PTBP3: variants seen among roughly 807,000 people sequenced by gnomAD.
PTBP3 encodes the protein polypyrimidine tract-binding protein 3.
In PTBP3, 20 loss-of-function variants were observed where a neutral mutation model predicts 58.7. The ratio of observed to expected loss-of-function variants is 0.34; its 90% CI spans 0.24 to 0.50. The LOEUF is 0.50. Ranked by LOEUF, PTBP3 falls within the 20% of genes least tolerant of loss-of-function variation. The pLI, the probability that PTBP3 is intolerant of heterozygous loss-of-function variation, is 0.98. For missense variants in PTBP3, 509 were observed against 637.2 expected (o/e 0.80, Z 2.17); for synonymous variants, 185 against 219.8 (o/e 0.84, Z 1.40).
At chr9:112,339,598 C>T in the PTBP3 span, among the ~76,000 whole-genome samples, 3 of 148,616 alleles carry the variant, frequency 2.0e-5, no homozygotes, top group Non-Finnish European at 3.0e-5. Context: ...CAGTCTCACT[C>T]TGTCACCCAG....
At chr9:112,265,340 T>C (rs183496882) in intron 4 of PTBP3, among the ~76,000 whole-genome samples, 192 of 148,178 alleles carry the variant, frequency 1.3e-3, no homozygotes, top group Non-Finnish European at 2.5e-3. Flanking sequence ...CTGTCTCTAC[T>C]AAAAATACAA....
intron 1 of PTBP3, among the ~76,000 whole-genome samples, chr9:112,316,603 A>G (rs1829712531): frequency 6.6e-6 from 1 of 152,228 alleles, no homozygotes; most frequent in East Asian, 1.9e-4. Context: ...GCAGATAACA[A>G]ATTTTAATAC....
intron 2 of PTBP3, among the ~76,000 whole-genome samples, chr9:112,293,865 C>T (rs945234673): frequency 6.6e-6 from 1 of 152,104 alleles, no homozygotes; most frequent in Admixed American, 6.6e-5. Context: ...AAGTCTGGTC[C>T]CCAACACAAT....
At chr9:112,263,596 GA>G (rs1589838268) in intron 4 of PTBP3, among the ~76,000 whole-genome samples, 1 of 152,336 alleles carries the variant, frequency 6.6e-6, no homozygotes, top group East Asian at 1.9e-4. Context: ...TCAAGGTTAT[GA>G]AAGGCCCTAA....
chr9:112,264,236 C>A (rs1836710849), intron 4 of PTBP3, among the ~76,000 whole-genome samples: 1 of 152,066 alleles, frequency 6.6e-6, no homozygotes, highest in Admixed American at 6.6e-5. Flanking sequence ...AATTAACATA[C>A]AATAAAAATG....
At chr9:112,229,566 A>C (rs1218708703) in intron 10 of PTBP3, among the ~76,000 whole-genome samples, 1 of 39,126 alleles carries the variant, frequency 2.6e-5, no homozygotes, top group African/African-American at 3.8e-4. Context: ...CCCTGTCTCA[A>C]AAAAAAAAAA....
chr9:112,251,553 A>T (rs1350484134), intron 6 of PTBP3, among the ~76,000 whole-genome samples: 4 of 152,134 alleles, frequency 2.6e-5, no homozygotes, highest in Non-Finnish European at 5.9e-5. Flanking sequence ...TGTAAATGGT[A>T]CTTGTCAGAG....
At chr9:112,312,484 T>TTTTG (rs1278430015) in intron 1 of PTBP3, among the ~76,000 whole-genome samples, 1 of 53,526 alleles carries the variant, frequency 1.9e-5, no homozygotes, top group African/African-American at 1.1e-4. Context: ...TTGTTTTTTT[T>TTTTG]TTTGTTTTTT....
At chr9:112,308,645 GA>G (rs932967803) in intron 1 of PTBP3, among the ~76,000 whole-genome samples, 20 of 151,926 alleles carry the variant, frequency 1.3e-4, no homozygotes, top group African/African-American at 4.6e-4. Flanking sequence ...ACGACCAAAA[GA>G]ATAAAAGACT....
intron 1 of PTBP3, among the ~76,000 whole-genome samples, chr9:112,327,642 CA>C (rs565579453): frequency 1.3e-5 from 2 of 152,058 alleles, no homozygotes; most frequent in Non-Finnish European, 2.9e-5. Context: ...TGGCAAGGCT[CA>C]AAAAATTGTA....
At chr9:112,332,963 G>A in intron 1 of PTBP3, 2 of 1,429,922 alleles carry the variant, frequency 1.4e-6, no homozygotes, top group African/African-American at 1.4e-5. Flanking sequence ...CATGGCTTGC[G>A]ACCAGGTCGC....
At chr9:112,373,849 A>T in the PTBP3 span, among the ~76,000 whole-genome samples, 1 of 152,256 alleles carries the variant, frequency 6.6e-6, no homozygotes, top group East Asian at 1.9e-4. Context: ...CAAAAGAAGG[A>T]AATACTCATG....
At chr9:112,345,801 G>A in the PTBP3 span, among the ~76,000 whole-genome samples, 22 of 152,178 alleles carry the variant, frequency 1.4e-4, no homozygotes, top group East Asian at 3.9e-3. Context: ...TGTATATCAT[G>A]AAGTCAAATA....
intron 4 of PTBP3, among the ~76,000 whole-genome samples, chr9:112,266,670 A>G (rs969050245): frequency 1.3e-5 from 2 of 152,220 alleles, no homozygotes; most frequent in African/African-American, 4.8e-5. Flanking sequence ...AGGTAATGCT[A>G]TATTTGTTGT....
intron 1 of PTBP3, among the ~76,000 whole-genome samples, chr9:112,327,975 A>G (rs1830224828): frequency 6.6e-6 from 1 of 152,200 alleles, no homozygotes; most frequent in Admixed American, 6.5e-5. Flanking sequence ...CCCTGCCCTC[A>G]TGACACATTT....
At chr9:112,317,810 G>A (rs1406054636) in intron 1 of PTBP3, among the ~76,000 whole-genome samples, 1 of 152,010 alleles carries the variant, frequency 6.6e-6, no homozygotes, top group Admixed American at 6.5e-5. Flanking sequence ...AGCCGGGCAT[G>A]GTGGTGTGCG....
At chr9:112,356,599 A>G in the PTBP3 span, among the ~76,000 whole-genome samples, 1 of 148,616 alleles carries the variant, frequency 6.7e-6, no homozygotes, top group African/African-American at 2.5e-5. Flanking sequence ...AAAAATGGTG[A>G]AATACAGCTT....
intron 1 of PTBP3, among the ~76,000 whole-genome samples, chr9:112,311,405 A>G (rs1036769821): frequency 6.6e-6 from 1 of 152,188 alleles, no homozygotes; most frequent in Non-Finnish European, 1.5e-5. Context: ...GAGATGACTT[A>G]AAGTATTCAG....
chr9:112,276,743 T>TA (rs1440386888), intron 2 of PTBP3, among the ~76,000 whole-genome samples: 1 of 152,112 alleles, frequency 6.6e-6, no homozygotes, highest in African/African-American at 2.4e-5. Flanking sequence ...TGCTGTAAAG[T>TA]AAAAAAATTC....
Sources: gnomAD v4.1 joint callset for allele counts (sites outside exome capture counted in the v4.1 genomes callset) on GRCh38, gnomAD v4.1.1 for gene constraint, MANE v1.5 for transcripts, NCBI Gene and HGNC (gene_info 2026-07-23, HGNC 2026-07-21) for gene names.